Variants in CADPS observed in about 807,000 individuals in gnomAD.
The protein encoded by CADPS is calcium dependent secretion activator.
A neutral mutation model predicts 167.3 loss-of-function variants in CADPS; 57 were observed. The observed-to-expected ratio is 0.34, with a 90% CI of 0.28 to 0.42. The LOEUF is 0.42. Among genes scored for constraint, CADPS ranks in the 20% least tolerant of loss-of-function variants. The pLI is 1.00. For synonymous variants in CADPS, 676 were observed against 635.3 expected (o/e 1.06, Z -0.96); for missense variants, 1,414 against 1,738.1 (o/e 0.81, Z 3.32).
intron 1 of CADPS, among the ~76,000 whole-genome samples, chr3:62,860,270 C>A (rs375024255): frequency 5.2e-4 from 79 of 152,278 alleles, no homozygotes; most frequent in African/African-American, 1.9e-3. Flanking sequence ...TGTTCTGAAG[C>A]CTTTCAGATG....
At chr3:62,462,666 C>T (rs530563695) in intron 26 of CADPS, among the ~76,000 whole-genome samples, 2 of 152,314 alleles carry the variant, frequency 1.3e-5, no homozygotes, top group Admixed American at 6.5e-5. Flanking sequence ...GCCAGAGCGT[C>T]GGCACTATCT....
intron 3 of CADPS, among the ~76,000 whole-genome samples, chr3:62,673,660 C>T (rs1294351545): frequency 1.3e-5 from 2 of 152,072 alleles, no homozygotes; most frequent in East Asian, 3.9e-4. Context: ...TAAAACATTG[C>T]ATATATTTAA....
chr3:62,843,621 C>T (rs1313841522), intron 1 of CADPS, among the ~76,000 whole-genome samples: 1 of 152,018 alleles, frequency 6.6e-6, no homozygotes, highest in Non-Finnish European at 1.5e-5. Flanking sequence ...GCTCCATTTT[C>T]AAAACAAAAC....
chr3:62,672,834 G>T (rs1380653628), intron 3 of CADPS, among the ~76,000 whole-genome samples: 1 of 152,094 alleles, frequency 6.6e-6, no homozygotes, highest in African/African-American at 2.4e-5. Flanking sequence ...TGCCCAGGCT[G>T]GTCTTGAACC....
chr3:62,474,489 C>A (rs1054394630), intron 23 of CADPS, among the ~76,000 whole-genome samples, 169 bp from the exon 24 acceptor site: 1 of 152,116 alleles, frequency 6.6e-6, no homozygotes, highest in East Asian at 1.9e-4. Flanking sequence ...CTAAGGAAGG[C>A]CTATTCACGG....
chr3:62,499,043 C>A, intron 18 of CADPS, 119 bp downstream of exon 18: 1 of 581,266 alleles, frequency 1.7e-6, no homozygotes. Flanking sequence ...ATTCCCTTTG[C>A]AATCCCAGTT....
At chr3:62,685,199 G>A (rs12106702) in intron 3 of CADPS, among the ~76,000 whole-genome samples, 3,167 of 151,974 alleles carry the variant, frequency 0.021, 115 homozygotes, top group African/African-American at 0.072. Context: ...AAAACGGAGT[G>A]GTGATTTCAC....
chr3:62,685,816 C>T (rs976869698), intron 3 of CADPS, among the ~76,000 whole-genome samples: 1 of 152,064 alleles, frequency 6.6e-6, no homozygotes, highest in Non-Finnish European at 1.5e-5. Context: ...GTAGGGTTTG[C>T]GCTCCTATGA....
At chr3:62,431,650 C>A (rs2053979237) in intron 28 of CADPS, among the ~76,000 whole-genome samples, 1 of 151,742 alleles carries the variant, frequency 6.6e-6, no homozygotes, top group Non-Finnish European at 1.5e-5. Flanking sequence ...AAAAAAGGGC[C>A]AGTGCTGGTT....
At chr3:62,523,444 T>C (rs931616979) in intron 13 of CADPS, among the ~76,000 whole-genome samples, 3 of 152,182 alleles carry the variant, frequency 2.0e-5, no homozygotes, top group African/African-American at 4.8e-5. Context: ...TCTTTAGTGT[T>C]GTTAAATTGT....
intron 3 of CADPS, among the ~76,000 whole-genome samples, chr3:62,730,740 G>T (rs761882949): frequency 6.6e-6 from 1 of 152,212 alleles, no homozygotes; most frequent in African/African-American, 2.4e-5. Flanking sequence ...TTGCAAAGCT[G>T]TTACTTTTGC....
At chr3:62,505,746 T>C (rs950910773) in intron 17 of CADPS, among the ~76,000 whole-genome samples, 2 of 152,188 alleles carry the variant, frequency 1.3e-5, no homozygotes, top group African/African-American at 2.4e-5. Context: ...TCGATGCTTC[T>C]ACTTGAGCAC....
intron 23 of CADPS, among the ~76,000 whole-genome samples, chr3:62,476,279 C>A (rs2061316837): frequency 6.6e-6 from 1 of 152,170 alleles, no homozygotes; most frequent in South Asian, 2.1e-4. Flanking sequence ...CCAAGGAGAA[C>A]AACGGTTCTA....
At chr3:62,531,239 TC>T (rs2073608980) in intron 13 of CADPS, among the ~76,000 whole-genome samples, 1 of 152,080 alleles carries the variant, frequency 6.6e-6, no homozygotes, top group Non-Finnish European at 1.5e-5. Context: ...TCTCTCTCTC[TC>T]TCTTTAAAAA....
Position 62,607,512 on chromosome 3 carries a change from C to T in CADPS, c.1326-14764G>A, listed in dbSNP as rs183269931. ...ATGACAACAAAGCCAACCTCAGTAG[C>T]ACTTGAGTGTCCCCAACATTTGTGT... On this transcript the variant is annotated intron_variant, in intron 6 of 29. Coordinates refer to ENST00000383710, the MANE Select transcript of CADPS (RefSeq NM_003716.4). Among the ~76,000 whole-genome samples, 9 of 152,348 alleles carry T rather than the reference C, an allele frequency of 5.9e-5. No homozygotes were observed. The East Asian group carries it at 1.2e-3, about 20-fold the overall frequency.
intron 1 of CADPS, among the ~76,000 whole-genome samples, chr3:62,873,057 A>T (rs1001275989): frequency 6.6e-6 from 1 of 152,246 alleles, no homozygotes; most frequent in African/African-American, 2.4e-5. Flanking sequence ...GCTCTACTGC[A>T]GTCAAAAATA....
chr3:62,821,362 C>T (rs1302026084), intron 1 of CADPS, among the ~76,000 whole-genome samples: 1 of 152,118 alleles, frequency 6.6e-6, no homozygotes. Context: ...TGGCTTAAAA[C>T]AACAGAAATA....
chr3:62,749,912 G>C (rs1442922051), intron 3 of CADPS, among the ~76,000 whole-genome samples: 1 of 152,162 alleles, frequency 6.6e-6, no homozygotes, highest in African/African-American at 2.4e-5. Context: ...CATCACTGTG[G>C]TGTGAGATGA....
rs1222482121 is a variant in CADPS, at chr3:62,773,023, T to G, written c.442-7039A>C. 2.0e-5 allele frequency among the ~76,000 whole-genome samples: 3 copies of G among 152,154 alleles called. No individual in the cohort carries two copies. The East Asian group carries it at 5.8e-4, about 29-fold the overall frequency. ...CATTATCTGGGAAAAAAGGGACAGG[T>G]TTTTAAAGCTTTTCTTTATTATAGA... On this transcript the variant is annotated intron_variant, in intron 1 of 29. Coordinates refer to ENST00000383710, the MANE Select transcript of CADPS (RefSeq NM_003716.4).
Sources: gnomAD v4.1 joint callset for allele counts (sites outside exome capture counted in the v4.1 genomes callset) on GRCh38, gnomAD v4.1.1 for gene constraint, MANE v1.5 for transcripts, NCBI Gene and HGNC (gene_info 2026-07-23, HGNC 2026-07-21) for gene names.